WAC: variants seen among roughly 807,000 people sequenced by gnomAD.
WAC encodes the protein WW domain-containing adapter protein with coiled-coil.
Under a neutral mutation model 79.6 loss-of-function variants are expected in WAC, and 11 were observed. The ratio of observed to expected loss-of-function variants is 0.14; its 90% CI spans 0.09 to 0.23. The LOEUF is 0.23. WAC is among the 10% of genes least tolerant of loss of function. WAC has a pLI of 1.00. For missense variants in WAC, 728 were observed against 773.5 expected, an observed-to-expected ratio of 0.94 and a Z score of 0.70; for synonymous variants, 304 against 276.9, an observed-to-expected ratio of 1.10 and a Z score of -0.97.
At chr10:28,592,674 A>C (rs1564406278) in intron 6 of WAC, among the ~76,000 whole-genome samples, 1 of 152,112 alleles carries the variant, frequency 6.6e-6, no homozygotes. Flanking sequence ...TATAAAAATA[A>C]CTTTTTAACT....
intron 3 of WAC, among the ~76,000 whole-genome samples, chr10:28,573,863 C>A (rs1025245223): frequency 2.6e-5 from 4 of 151,526 alleles, no homozygotes; most frequent in African/African-American, 9.7e-5. Flanking sequence ...CATCCCCCAA[C>A]ACCCCCCTCA....
chr10:28,614,838 A>G, intron 11 of WAC, 153 bp downstream of exon 11: 1 of 626,808 alleles, frequency 1.6e-6, no homozygotes. Context: ...ACAAAGACAA[A>G]CCTGTATACA....
chr10:28,543,987 C>T (rs749459771), intron 3 of WAC, among the ~76,000 whole-genome samples: 1 of 152,090 alleles, frequency 6.6e-6, no homozygotes, highest in Non-Finnish European at 1.5e-5. Flanking sequence ...CTCTGCAGGT[C>T]AAGTGATTTT....
chr10:28,543,706 A>G (rs895796561), intron 3 of WAC, among the ~76,000 whole-genome samples: 1 of 152,240 alleles, frequency 6.6e-6, no homozygotes, highest in African/African-American at 2.4e-5. Context: ...TTTTGTTAGT[A>G]CACGCTCATT....
chr10:28,611,953 G>T lies in WAC; in HGVS notation c.1437+31G>T, dbSNP rs190617920. The T allele has an allele frequency of 8.2e-4, 1,313 of 1,597,978 alleles. 6 individuals are homozygous for T. The highest frequency in any genetic ancestry group is 1.0e-3 in the Non-Finnish European group (1,195 of 1,175,128). On this transcript the variant is annotated intron_variant, in intron 10 of 13. Coordinates refer to ENST00000354911, the MANE Select transcript of WAC (RefSeq NM_016628.5). ...TCACCTTTGAGGGACATTCGGAAAAGAAACTACTTACTTTTGGAAAGTCAA... is the reference window on the plus strand; with the variant it reads ...TCACCTTTGAGGGACATTCGGAAAATAAACTACTTACTTTTGGAAAGTCAA...
At chr10:28,545,476 G>A (rs762759103) in intron 3 of WAC, among the ~76,000 whole-genome samples, 7 of 152,068 alleles carry the variant, frequency 4.6e-5, no homozygotes, top group Admixed American at 6.5e-5. Flanking sequence ...GCGAAACTCC[G>A]TCTAAAAGAA....
intron 3 of WAC, among the ~76,000 whole-genome samples, chr10:28,539,845 C>T (rs189156259): frequency 1.3e-5 from 2 of 152,292 alleles, no homozygotes; most frequent in East Asian, 1.9e-4. Flanking sequence ...AGGCGTGAGT[C>T]ACCGCGCCTG....
intron 3 of WAC, among the ~76,000 whole-genome samples, chr10:28,546,856 TTTTGA>T (rs1458240446): frequency 1.3e-5 from 2 of 148,194 alleles, no homozygotes; most frequent in East Asian, 1.9e-4. Flanking sequence ...GTAATTTCAG[TTTTGA>T]TTTGTCTTTT....
Position 28,614,550 on chromosome 10 carries a change from A to G in WAC, c.1438-17A>G. On this transcript the variant is annotated splice_polypyrimidine_tract_variant and intron_variant, in intron 10 of 13. Coordinates refer to ENST00000354911, the MANE Select transcript of WAC (RefSeq NM_016628.5). ...GATTAGATTTGGAGACCATCTCACC[A>G]GATTTTGACATTTCAGGTTAGTACT... The G allele has an allele frequency of 1.2e-6, 2 of 1,601,600 alleles. No homozygotes were observed. The highest frequency in any genetic ancestry group is 1.7e-6 in the Non-Finnish European group (2 of 1,168,988).
chr10:28,570,461 G>C (rs1838885219), intron 3 of WAC, among the ~76,000 whole-genome samples: 1 of 152,204 alleles, frequency 6.6e-6, no homozygotes, highest in South Asian at 2.1e-4. Flanking sequence ...ATTAAATGAT[G>C]CTGTATGGAG....
chr10:28,535,837 C>T (rs1836630290), intron 3 of WAC, 80 bp downstream of exon 3: 1 of 1,233,290 alleles, frequency 8.1e-7, no homozygotes, highest in African/African-American at 1.5e-5. Flanking sequence ...GTATTTCTAG[C>T]TTGAAGAAGT....
intron 3 of WAC, among the ~76,000 whole-genome samples, chr10:28,545,072 G>A (rs969051974): frequency 5.4e-5 from 8 of 149,088 alleles, no homozygotes; most frequent in East Asian, 2.0e-4. Flanking sequence ...GGTAGTGCAA[G>A]TTTAGAGTAA....
intron 6 of WAC, among the ~76,000 whole-genome samples, chr10:28,593,565 T>C (rs551734777): frequency 6.6e-6 from 1 of 151,960 alleles, no homozygotes; most frequent in African/African-American, 2.4e-5. Flanking sequence ...GTCAAGAGTT[T>C]GAGACCAGCC....
intron 2 of WAC, 177 bp downstream of exon 2, chr10:28,534,211 G>A (rs758329422): frequency 1.9e-6 from 1 of 536,928 alleles, no homozygotes; most frequent in Admixed American, 4.1e-5. Context: ...TCTCCAGCAA[G>A]GTTTAGTGAC....
intron 3 of WAC, among the ~76,000 whole-genome samples, chr10:28,537,180 A>G (rs771836276): frequency 2.6e-5 from 4 of 152,250 alleles, no homozygotes; most frequent in Admixed American, 6.5e-5. Context: ...TTATGCAGAT[A>G]AACCACATTT....
intron 3 of WAC, among the ~76,000 whole-genome samples, chr10:28,560,603 A>C (rs1393527928): frequency 6.6e-6 from 1 of 152,210 alleles, no homozygotes. Flanking sequence ...GGTTATCTGC[A>C]TGTACATGGA....
intron 3 of WAC, among the ~76,000 whole-genome samples, chr10:28,571,048 C>G (rs1838932779): frequency 7.3e-6 from 1 of 136,060 alleles, no homozygotes; most frequent in African/African-American, 2.7e-5. Flanking sequence ...CCTCGGCCTC[C>G]TGGGTTCAGA....
chr10:28,574,173 G>GT (rs1839124188), intron 3 of WAC, among the ~76,000 whole-genome samples: 2 of 151,330 alleles, frequency 1.3e-5, no homozygotes, highest in Admixed American at 6.6e-5. Context: ...TTTTGTTTTT[G>GT]TTTTTTTTAG....
chr10:28,562,299 G>T (rs1339568831), intron 3 of WAC, among the ~76,000 whole-genome samples: 1 of 152,000 alleles, frequency 6.6e-6, no homozygotes, highest in Non-Finnish European at 1.5e-5. Flanking sequence ...CAAGTAATCC[G>T]CCCACCTCAG....
Sources: gnomAD v4.1 joint callset for allele counts (sites outside exome capture counted in the v4.1 genomes callset) on GRCh38, gnomAD v4.1.1 for gene constraint, MANE v1.5 for transcripts, NCBI Gene and HGNC (gene_info 2026-07-23, HGNC 2026-07-21) for gene names.